Variants in GRIK4 observed in about 807,000 individuals in gnomAD.
GRIK4 encodes the protein glutamate ionotropic receptor kainate type subunit 4, also known as glutamate receptor ionotropic, kainate 4.
Under a neutral mutation model 104.9 loss-of-function variants are expected in GRIK4, and 40 were observed. That is an observed-to-expected ratio of 0.38 (90% CI 0.30 to 0.50). The LOEUF is 0.50. Ranked by LOEUF, GRIK4 falls within the 20% of genes least tolerant of loss-of-function variation. GRIK4 has a pLI of 0.93. For synonymous variants in GRIK4, 485 were observed against 524.9 expected (o/e 0.92, Z 1.04); for missense variants, 1,047 against 1,308.1 (o/e 0.80, Z 3.08).
At chr11:120,621,222 G>C (rs552210309) in intron 1 of GRIK4, among the ~76,000 whole-genome samples, 2 of 152,234 alleles carry the variant, frequency 1.3e-5, no homozygotes, top group South Asian at 4.2e-4. Flanking sequence ...CTGCAGGGTC[G>C]GTGGATGATC....
chr11:120,696,206 G>T (rs1950446231), intron 3 of GRIK4, among the ~76,000 whole-genome samples: 1 of 152,204 alleles, frequency 6.6e-6, no homozygotes, highest in African/African-American at 2.4e-5. Context: ...TTAACCCTGG[G>T]AGTGCAGAGC....
At position 120,819,975 on chromosome 11, in the gene GRIK4, C is replaced by A; in HGVS notation, c.511+55C>A. Reference sequence around the variant, plus strand: ...GACAGTCCAGTCTTGTTGATTTTGCCCTGATTCCCTGTGCCCCTGGCTGGA... The same window carrying A: ...GACAGTCCAGTCTTGTTGATTTTGCACTGATTCCCTGTGCCCCTGGCTGGA... On this transcript the variant is annotated intron_variant, in intron 6 of 20. Transcript: ENST00000527524. This position sits in a 1 kb window ranked among gnomAD's most constrained non-coding sequence, Gnocchi z 4.3. The A allele has an allele frequency of 1.3e-6, 2 of 1,549,570 alleles. No individual in the cohort carries two copies. The highest frequency in any genetic ancestry group is 1.1e-5 in the South Asian group (1 of 88,138).
chr11:120,703,584 G>A (rs1194223531), intron 3 of GRIK4, among the ~76,000 whole-genome samples: 1 of 151,942 alleles, frequency 6.6e-6, no homozygotes, highest in African/African-American at 2.4e-5. Context: ...GTGAGGACAG[G>A]AGGGTATATC....
chr11:120,731,850 T>C (rs1381368974), intron 3 of GRIK4, among the ~76,000 whole-genome samples: 1 of 152,210 alleles, frequency 6.6e-6, no homozygotes, highest in East Asian at 1.9e-4. Flanking sequence ...ATATAGTTGC[T>C]TATAGTAGCC....
In GRIK4 at chr11:120,801,912, G is replaced by T. The variant is rs1952627983; in HGVS notation, c.83-781G>T. Among the ~76,000 whole-genome samples the T allele has an allele frequency of 2.6e-5, 4 of 152,204 alleles. No individual in the cohort carries two copies. In the South Asian group the frequency reaches 8.3e-4, roughly 32 times the overall value. ...GGTCCCAGAGCTGTGGAGGGCTGCA[G>T]CTGGGACTGGAAGCCAGTTGTCTGT... On this transcript the variant is annotated intron_variant, in intron 3 of 20. Coordinates refer to ENST00000527524, the MANE Select transcript of GRIK4 (RefSeq NM_014619.5).
intron 1 of GRIK4, among the ~76,000 whole-genome samples, chr11:120,625,562 G>T (rs1043746350): frequency 6.6e-6 from 1 of 152,042 alleles, no homozygotes. Flanking sequence ...CAGCTCTTCC[G>T]TGGCTCTTTC....
chr11:120,621,692 C>A (rs542885672), intron 1 of GRIK4, among the ~76,000 whole-genome samples: 22 of 152,166 alleles, frequency 1.4e-4, no homozygotes, highest in African/African-American at 5.3e-4. Flanking sequence ...TGTAAACTTG[C>A]CAAGTCACAG....
intron 9 of GRIK4, chr11:120,872,767 TG>T: frequency 5.2e-6 from 1 of 190,912 alleles, no homozygotes; most frequent in Non-Finnish European, 1.1e-5. Context: ...TTTGTTTGTT[TG>T]TTTGTTTTTT....
chr11:120,952,409 A>G lies in GRIK4; in HGVS notation c.1591-446A>G, dbSNP rs1565458731. The stretch of plus-strand genomic sequence containing the variant: ...TGAGATCACCCTGCAAACAAAACCC[A>G]GAGACTCCGGTTGTATTAGCATCCT... On this transcript the variant is annotated intron_variant, in intron 14 of 20. Coordinates refer to ENST00000527524, the MANE Select transcript of GRIK4 (RefSeq NM_014619.5). This position sits in a 1 kb window ranked among gnomAD's most constrained non-coding sequence, Gnocchi z 5.2. Among the ~76,000 whole-genome samples the G allele has an allele frequency of 6.6e-6, 1 of 152,214 alleles. No individual in the cohort carries two copies. The highest frequency in any genetic ancestry group is 1.5e-5 in the Non-Finnish European group (1 of 68,028).
chr11:120,859,862 CTG>C (rs1264075469), intron 8 of GRIK4, among the ~76,000 whole-genome samples: 8 of 152,230 alleles, frequency 5.3e-5, no homozygotes, highest in African/African-American at 1.9e-4. Flanking sequence ...CAAATCCACT[CTG>C]TCAGGCATTG....
chr11:120,962,104 A>G (rs1343321052), intron 17 of GRIK4, among the ~76,000 whole-genome samples: 2 of 152,158 alleles, frequency 1.3e-5, no homozygotes, highest in Admixed American at 6.5e-5. Context: ...ATTGAGGGAC[A>G]ATGAAGGTAC....
intron 8 of GRIK4, among the ~76,000 whole-genome samples, chr11:120,851,589 G>GT (rs1186538197): frequency 3.3e-5 from 5 of 152,196 alleles, no homozygotes; most frequent in Non-Finnish European, 7.3e-5. Context: ...AACATGTTGT[G>GT]TGTTCTCAAG....
At chr11:120,733,627 T>G (rs1270129854) in intron 3 of GRIK4, among the ~76,000 whole-genome samples, 1 of 152,180 alleles carries the variant, frequency 6.6e-6, no homozygotes, top group East Asian at 1.9e-4. Context: ...CATGTTAACT[T>G]TGACCCCCTG....
intron 3 of GRIK4, among the ~76,000 whole-genome samples, chr11:120,768,621 A>G (rs1310313880): frequency 6.6e-6 from 1 of 152,184 alleles, no homozygotes; most frequent in African/African-American, 2.4e-5. Flanking sequence ...CTTGTACCAG[A>G]TCTTAGTAGA....
intron 1 of GRIK4, among the ~76,000 whole-genome samples, chr11:120,584,675 G>A (rs1948635312): frequency 6.6e-6 from 1 of 152,228 alleles, no homozygotes; most frequent in African/African-American, 2.4e-5. Context: ...CATTTCAAGT[G>A]AGATTTGGGC....
intron 19 of GRIK4, among the ~76,000 whole-genome samples, chr11:120,975,793 G>T (rs1008576143): frequency 6.6e-6 from 1 of 152,132 alleles, no homozygotes; most frequent in Admixed American, 6.5e-5. Flanking sequence ...TGGGAGAGAT[G>T]GTGTGGAGTA....
At chr11:120,590,175 G>C (rs1448967729) in intron 1 of GRIK4, among the ~76,000 whole-genome samples, 1 of 151,966 alleles carries the variant, frequency 6.6e-6, no homozygotes, top group East Asian at 1.9e-4. Flanking sequence ...CCTTACCCCT[G>C]ACCCTGCACC....
chr11:120,649,199 C>G, intron 1 of GRIK4, among the ~76,000 whole-genome samples: 1 of 152,196 alleles, frequency 6.6e-6, no homozygotes, highest in Middle Eastern at 3.2e-3. Flanking sequence ...CTGCTGCCCT[C>G]TGCCCCACAC....
intron 3 of GRIK4, among the ~76,000 whole-genome samples, chr11:120,792,638 A>C (rs768437940): frequency 3.9e-5 from 6 of 152,274 alleles, no homozygotes; most frequent in African/African-American, 1.4e-4. Context: ...ACCAAAAGCA[A>C]TTGGAGACTG....
Sources: allele counts gnomAD v4.1 joint callset (sites outside exome capture counted in the v4.1 genomes callset), GRCh38; gene constraint gnomAD v4.1.1; non-coding constraint Gnocchi (gnomAD v3.1); transcripts MANE v1.5; gene names NCBI Gene and HGNC (gene_info 2026-07-23, HGNC 2026-07-21).